SOX6: variants seen among roughly 807,000 people sequenced by gnomAD.
SOX6 encodes SRY-box transcription factor 6, also known as transcription factor SOX-6.
SOX6 carries 11 observed loss-of-function variants against 97.8 expected under a neutral mutation model. The observed-to-expected ratio is 0.11, with a 90% CI of 0.07 to 0.19. The LOEUF (loss-of-function observed/expected upper bound fraction) is 0.19. Among genes scored for constraint, SOX6 ranks in the 10% least tolerant of loss-of-function variants. The pLI is 1.00. For synonymous variants in SOX6, 360 were observed against 371.4 expected (o/e 0.97, Z 0.35); for missense variants, 810 against 1,039.5 (o/e 0.78, Z 3.04).
At chr11:16,029,635 CA>C (rs1236387698) in intron 12 of SOX6, among the ~76,000 whole-genome samples, 17 of 93,934 alleles carry the variant, frequency 1.8e-4, no homozygotes, top group Admixed American at 4.7e-4. Flanking sequence ...GACTCCGTCT[CA>C]AAAAAAAAAA....
intron 9 of SOX6, among the ~76,000 whole-genome samples, chr11:16,085,678 A>T (rs1364953045): frequency 6.6e-6 from 1 of 152,224 alleles, no homozygotes. Flanking sequence ...GCAACATAGC[A>T]TTCTTATCCA....
At chr11:16,146,550 T>G (rs570433006) in intron 6 of SOX6, among the ~76,000 whole-genome samples, 5 of 152,072 alleles carry the variant, frequency 3.3e-5, no homozygotes, top group African/African-American at 9.7e-5. Flanking sequence ...GAAACTATCA[T>G]CAGAGTGAAC....
intron 2 of SOX6, among the ~76,000 whole-genome samples, chr11:16,728,358 T>C (rs1848323517): frequency 6.6e-6 from 1 of 152,196 alleles, no homozygotes; most frequent in South Asian, 2.1e-4. Context: ...GGTGCCCCTC[T>C]GGGATGAAGC....
intron 2 of SOX6, among the ~76,000 whole-genome samples, chr11:16,331,240 A>C (rs1464458550): frequency 6.6e-6 from 1 of 152,208 alleles, no homozygotes; most frequent in Non-Finnish European, 1.5e-5. Flanking sequence ...ATGAAAAGAA[A>C]TAACTCATGG....
chr11:16,349,689 G>A (rs1482627130), intron 1 of SOX6, among the ~76,000 whole-genome samples: 2 of 58,164 alleles, frequency 3.4e-5, no homozygotes, highest in African/African-American at 5.6e-5. Flanking sequence ...AGGAAGGAAG[G>A]AAGGAAGGAA....
chr11:16,188,055 A>G (rs928200707), intron 4 of SOX6, among the ~76,000 whole-genome samples: 8 of 152,094 alleles, frequency 5.3e-5, no homozygotes, highest in Non-Finnish European at 8.8e-5. Flanking sequence ...AATCCCAGAA[A>G]ATATTTTAAT....
chr11:16,132,397 AGAAAAAAGAAAGAAAG>A (rs1564972292), intron 6 of SOX6, among the ~76,000 whole-genome samples: 38 of 82,982 alleles, frequency 4.6e-4, no homozygotes, highest in East Asian at 1.6e-3. Flanking sequence ...AAAGAAAGAA[AGAAAAAAGAAAGAAAG>A]AAAGAAAGAA....
At chr11:16,175,901 AAACT>A (rs1189986444) in intron 6 of SOX6, among the ~76,000 whole-genome samples, 4 of 151,948 alleles carry the variant, frequency 2.6e-5, no homozygotes, top group Admixed American at 6.6e-5. Context: ...GTTATTAGAA[AAACT>A]AACTAAATTT....
At chr11:16,522,465 G>C (rs1861084472) in intron 4 of SOX6, among the ~76,000 whole-genome samples, 1 of 151,974 alleles carries the variant, frequency 6.6e-6, no homozygotes, top group Admixed American at 6.6e-5. Context: ...TGCCCTAAAA[G>C]AGCTCCTGAA....
At chr11:16,069,624 T>C (rs1848177400) in intron 9 of SOX6, among the ~76,000 whole-genome samples, 1 of 152,182 alleles carries the variant, frequency 6.6e-6, no homozygotes, top group Non-Finnish European at 1.5e-5. Context: ...GTAATTATAA[T>C]CATGTTAAGG....
chr11:15,977,484 C>T (rs1035331107), intron 15 of SOX6, among the ~76,000 whole-genome samples: 1 of 151,968 alleles, frequency 6.6e-6, no homozygotes, highest in Admixed American at 6.6e-5. Flanking sequence ...GATCCTTCAA[C>T]CCACCTTCAC....
intron 3 of SOX6, among the ~76,000 whole-genome samples, chr11:16,662,852 C>T (rs560119674): frequency 4.0e-4 from 61 of 152,166 alleles, no homozygotes; most frequent in Non-Finnish European, 6.9e-4. Context: ...TGCCATCACG[C>T]CTGGCTTTTT....
chr11:16,472,751 T>C lies in SOX6; in HGVS notation c.-5+3564A>G, dbSNP rs554308629. ...AAAGGTAAAGCTGGTATTAAATAAA[T>C]TTTCAATAGCTCTGCTTAAATAGAG... On this transcript the variant is annotated intron_variant, in intron 1 of 15. Coordinates refer to the SOX6 transcript ENST00000396356. 3.3e-5 allele frequency among the ~76,000 whole-genome samples: 5 copies of C among 152,208 alleles called. No individual in the cohort carries two copies. In the South Asian group the frequency reaches 8.3e-4, roughly 25 times the overall value.
At chr11:16,629,585 GT>G (rs1201565621) in intron 3 of SOX6, among the ~76,000 whole-genome samples, 8 of 152,090 alleles carry the variant, frequency 5.3e-5, no homozygotes, top group Non-Finnish European at 1.2e-4. Context: ...CCAGGTTTGG[GT>G]ATCAGAGTGA....
chr11:16,438,472 T>C (rs896582127), intron 1 of SOX6, among the ~76,000 whole-genome samples: 3 of 152,142 alleles, frequency 2.0e-5, no homozygotes, highest in African/African-American at 4.8e-5. Flanking sequence ...AGAAAGAGAA[T>C]GGAACTAGGT....
At chr11:16,577,294 A>C (rs1384669616) in intron 4 of SOX6, among the ~76,000 whole-genome samples, 2 of 152,212 alleles carry the variant, frequency 1.3e-5, no homozygotes, top group Non-Finnish European at 2.9e-5. Flanking sequence ...ACTTAACTTC[A>C]TTATGCTTTA....
chr11:16,466,260 A>C (rs574647643), intron 1 of SOX6, among the ~76,000 whole-genome samples: 1 of 152,228 alleles, frequency 6.6e-6, no homozygotes, highest in Non-Finnish European at 1.5e-5. Context: ...CATTTTTACC[A>C]ATATTACAAA....
At chr11:16,705,349 G>A (rs1848124189) in intron 3 of SOX6, among the ~76,000 whole-genome samples, 1 of 152,230 alleles carries the variant, frequency 6.6e-6, no homozygotes, top group East Asian at 1.9e-4. Context: ...TTTAGACCAG[G>A]TGTGGTAGCT....
At chr11:16,371,122 T>C (rs760195158) in intron 1 of SOX6, among the ~76,000 whole-genome samples, 3 of 152,090 alleles carry the variant, frequency 2.0e-5, no homozygotes, top group Non-Finnish European at 4.4e-5. Flanking sequence ...CTGTCATTTT[T>C]CTGACTTCAT....
Sources: gnomAD v4.1 joint callset for allele counts (sites outside exome capture counted in the v4.1 genomes callset) on GRCh38, gnomAD v4.1.1 for gene constraint, MANE v1.5 for transcripts, NCBI Gene and HGNC (gene_info 2026-07-23, HGNC 2026-07-21) for gene names.